The following SSBP2 variants were observed in gnomAD, a reference collection of about 807,000 sequenced individuals.
SSBP2 encodes single-stranded DNA-binding protein 2.
In SSBP2, 17 loss-of-function variants were observed where a neutral mutation model predicts 61.8. The observed-to-expected ratio is 0.28, with a 90% CI of 0.19 to 0.41. SSBP2 has a LOEUF of 0.41. SSBP2 is among the 10% of genes least tolerant of loss of function. The pLI is 1.00. For missense variants in SSBP2, 310 were observed against 458.7 expected, an observed-to-expected ratio of 0.68 and a Z score of 2.96; for synonymous variants, 139 against 141.3, an observed-to-expected ratio of 0.98 and a Z score of 0.12.
rs79496000 is a variant in SSBP2, at chr5:81,523,835, C to T, written c.283-10118G>A. On this transcript the variant is annotated intron_variant, in intron 4 of 16. Coordinates refer to ENST00000320672, the MANE Select transcript of SSBP2 (RefSeq NM_012446.5). Reference sequence around the variant, plus strand: ...TTAGCCAAATACTTAATAAAATAACCTTAAAGAGCATTTCGAAATACCATA... The same window carrying T: ...TTAGCCAAATACTTAATAAAATAACTTTAAAGAGCATTTCGAAATACCATA... 2.0e-5 allele frequency among the ~76,000 whole-genome samples: 3 copies of T among 152,060 alleles called. No homozygotes were observed. The East Asian group carries it at 5.8e-4, about 30-fold the overall frequency.
chr5:81,464,272 T>C (rs915629868), intron 9 of SSBP2, among the ~76,000 whole-genome samples: 3 of 152,166 alleles, frequency 2.0e-5, no homozygotes. Flanking sequence ...TGGAAACTTA[T>C]AAAAATGTAT....
chr5:81,587,812 T>C lies in SSBP2; in HGVS notation c.282+27661A>G, dbSNP rs868311392. On this transcript the variant is annotated intron_variant, in intron 4 of 16. Transcript: ENST00000320672. ...ATGCTTGAAACAGAATAAACTGAGATGTAAGATAGCGAAAGGGTATAGAAG... is the reference window on the plus strand; with the variant it reads ...ATGCTTGAAACAGAATAAACTGAGACGTAAGATAGCGAAAGGGTATAGAAG... Among the ~76,000 whole-genome samples, 42 of 151,500 alleles carry C rather than the reference T, an allele frequency of 2.8e-4. 2 individuals carry two copies. The highest frequency in any genetic ancestry group is 3.5e-4 in the Non-Finnish European group (24 of 67,898).
At chr5:81,463,192 ATACTT>A (rs1371851350) in intron 9 of SSBP2, among the ~76,000 whole-genome samples, 2 of 152,116 alleles carry the variant, frequency 1.3e-5, no homozygotes, top group Non-Finnish European at 2.9e-5. Context: ...GTGTTTGAAA[ATACTT>A]TAAGTTTCAC....
At chr5:81,548,908 C>T (rs1027443842) in intron 4 of SSBP2, among the ~76,000 whole-genome samples, 21 of 151,894 alleles carry the variant, frequency 1.4e-4, no homozygotes, top group African/African-American at 4.8e-4. Flanking sequence ...GGCGACAGAG[C>T]GAGACTCCAT....
chr5:81,631,258 AC>A (rs908412715), intron 3 of SSBP2, among the ~76,000 whole-genome samples: 3 of 152,142 alleles, frequency 2.0e-5, no homozygotes, highest in Non-Finnish European at 4.4e-5. Context: ...AACAGGGGAA[AC>A]CCACAACCAC....
At chr5:81,536,966 T>G (rs1221657526) in intron 4 of SSBP2, among the ~76,000 whole-genome samples, 1 of 150,772 alleles carries the variant, frequency 6.6e-6, no homozygotes, top group African/African-American at 2.4e-5. Flanking sequence ...ATCACAACAC[T>G]GCACTCCAGC....
intron 1 of SSBP2, among the ~76,000 whole-genome samples, chr5:81,689,183 G>A (rs946716416): frequency 1.3e-5 from 2 of 151,570 alleles, no homozygotes; most frequent in Non-Finnish European, 2.9e-5. Context: ...TACAGTCAGA[G>A]GAGAAAAAAA....
rs527264959 is a variant in SSBP2, at chr5:81,415,066, A to G, written c.*5438T>C. 2.0e-5 allele frequency: 3 copies of G among 152,316 alleles called. No homozygotes were observed. In the East Asian group the frequency reaches 5.8e-4, roughly 29 times the overall value. 9.4% of individuals were successfully genotyped at this position (152,316 alleles called of 1,614,324 possible). The stretch of plus-strand genomic sequence containing the variant: ...CCCAGGGAGACCTTTACACATGCTT[A>G]AGATTGGGTACCATTGCTTTAAACA... On this transcript the variant is annotated 3_prime_UTR_variant, in exon 17 of 17. Transcript: ENST00000320672.
At chr5:81,640,740 T>C (rs1034064872) in intron 2 of SSBP2, among the ~76,000 whole-genome samples, 2 of 151,730 alleles carry the variant, frequency 1.3e-5, no homozygotes, top group African/African-American at 4.8e-5. Flanking sequence ...AAAACCTACG[T>C]CTCGTCCTTC....
At chr5:81,610,925 C>T (rs1745378285) in intron 4 of SSBP2, among the ~76,000 whole-genome samples, 2 of 152,080 alleles carry the variant, frequency 1.3e-5, no homozygotes, top group African/African-American at 4.8e-5. Context: ...ACCCGGGAGG[C>T]GGAGGTTGTG....
At chr5:81,458,596 A>G (rs562386963) in intron 10 of SSBP2, among the ~76,000 whole-genome samples, 2 of 152,328 alleles carry the variant, frequency 1.3e-5, no homozygotes, top group South Asian at 4.1e-4. Flanking sequence ...AACAGCAAAA[A>G]CAAAACAAAC....
At chr5:81,535,327 A>G (rs1770724814) in intron 4 of SSBP2, among the ~76,000 whole-genome samples, 1 of 152,172 alleles carries the variant, frequency 6.6e-6, no homozygotes. Flanking sequence ...GGAAGACTCA[A>G]TATCTCAATA....
chr5:81,579,945 T>G lies in SSBP2; in HGVS notation c.282+35528A>C, dbSNP rs531145706. ...GTTACAGTAAATTTAAATTTAAAAT[T>G]TAAGAGATGCTTTATCTTAATTTCT... On this transcript the variant is annotated intron_variant, in intron 4 of 16. Coordinates refer to ENST00000320672, the MANE Select transcript of SSBP2 (RefSeq NM_012446.5). Among the ~76,000 whole-genome samples the G allele has an allele frequency of 6.6e-5, 10 of 152,270 alleles. No homozygotes were observed. In the East Asian group the frequency reaches 1.9e-3, roughly 29 times the overall value.
At chr5:81,624,305 G>T (rs1409200984) in intron 3 of SSBP2, among the ~76,000 whole-genome samples, 1 of 152,074 alleles carries the variant, frequency 6.6e-6, no homozygotes, top group Non-Finnish European at 1.5e-5. Context: ...AGAATCACAG[G>T]TAGGAAAGAC....
chr5:81,680,806 T>G (rs1752326670), intron 1 of SSBP2, among the ~76,000 whole-genome samples: 1 of 152,204 alleles, frequency 6.6e-6, no homozygotes, highest in Non-Finnish European at 1.5e-5. Context: ...TAGATGAACC[T>G]ACTATTGTAT....
chr5:81,510,983 C>A (rs1053736069), intron 5 of SSBP2, among the ~76,000 whole-genome samples: 1 of 152,072 alleles, frequency 6.6e-6, no homozygotes, highest in Non-Finnish European at 1.5e-5. Context: ...CCCCTGCAGT[C>A]CCTCTCAAGC....
At chr5:81,421,489 G>T (rs754023566) in intron 16 of SSBP2, among the ~76,000 whole-genome samples, 1 of 152,132 alleles carries the variant, frequency 6.6e-6, no homozygotes, top group Non-Finnish European at 1.5e-5. Flanking sequence ...CCCTGTGCTC[G>T]GCCTGTGACT....
At chr5:81,486,894 C>G (rs1766425669) in intron 6 of SSBP2, among the ~76,000 whole-genome samples, 1 of 152,176 alleles carries the variant, frequency 6.6e-6, no homozygotes, top group Non-Finnish European at 1.5e-5. Flanking sequence ...ACTCAAAGTT[C>G]TCCCCTGGGG....
At chr5:81,453,931 T>C (rs1246912021) in intron 10 of SSBP2, among the ~76,000 whole-genome samples, 1 of 152,164 alleles carries the variant, frequency 6.6e-6, no homozygotes, top group African/African-American at 2.4e-5. Flanking sequence ...TTAGGTATGA[T>C]GAGGATAGAA....
Sources: allele counts gnomAD v4.1 joint callset (sites outside exome capture counted in the v4.1 genomes callset), GRCh38; gene constraint gnomAD v4.1.1; transcripts MANE v1.5; gene names NCBI Gene and HGNC (gene_info 2026-07-23, HGNC 2026-07-21).